Variants in PSG5 observed in about 807,000 individuals in gnomAD.
The protein encoded by PSG5 is pregnancy-specific beta-1-glycoprotein 5.
Under a neutral mutation model 37.7 loss-of-function variants are expected in PSG5, and 53 were observed. The ratio of observed to expected loss-of-function variants is 1.41; its 90% CI spans 1.13 to 1.77. PSG5 has a LOEUF of 1.77. Ranked by LOEUF, PSG5 falls within the 40% of genes most tolerant of loss-of-function variation. The probability of loss-of-function intolerance (pLI) is 0.00; values close to 1 mark genes in which losing one functional copy is unlikely to be tolerated. For missense variants in PSG5, 547 were observed against 405.2 expected (o/e 1.35, Z -3.00); for synonymous variants, 221 against 155.4 (o/e 1.42, Z -3.14).
At chr19:43,174,601 CG>C in intron 4 of PSG5, 3 of 970,744 alleles carry the variant, frequency 3.1e-6, no homozygotes, top group Non-Finnish European at 3.7e-6. Context: ...CAGCCTGGCC[CG>C]GGGGAGGCTT....
At position 43,177,566 on chromosome 19, in the gene PSG5, C is replaced by T. The variant is rs138028103; in HGVS notation, c.431-1418G>A. ...GGTGATTAGTTTTTGGTCAATTCCA[C>T]ACTGGCCATTCTGCACTCATATATT... On this transcript the variant is annotated intron_variant, in intron 2 of 5. Coordinates refer to ENST00000342951, the MANE Select transcript of PSG5 (RefSeq NM_002781.4). 3.4e-3 allele frequency among the ~76,000 whole-genome samples: 510 copies of T among 151,104 alleles called. 14 individuals carry two copies. The highest frequency in any genetic ancestry group is 0.012 in the African/African-American group (477 of 40,954).
intron 4 of PSG5, among the ~76,000 whole-genome samples, chr19:43,172,289 C>T (rs1397128755): frequency 2.0e-5 from 3 of 151,616 alleles, no homozygotes; most frequent in Admixed American, 6.6e-5. Flanking sequence ...GCATCATACT[C>T]AACGGAGAAA....
chr19:43,180,455 A>C (rs1028286762), intron 2 of PSG5: 1 of 151,600 alleles, frequency 6.6e-6, no homozygotes, highest in Non-Finnish European at 1.5e-5. Context: ...ACTTCTTTTT[A>C]ACATCACATC....
chr19:43,184,754 C>A lies in PSG5; in HGVS notation c.430+28G>T, dbSNP rs763133952. The A allele has an allele frequency of 5.6e-6, 9 of 1,611,358 alleles. No individual in the cohort carries two copies. The Middle Eastern group carries it at 4.9e-4, about 88-fold the overall frequency. On this transcript the variant is annotated intron_variant, in intron 2 of 5. Transcript: ENST00000342951. The stretch of plus-strand genomic sequence containing the variant: ...AGTAGAAATGACCCCTGTCCCCCAA[C>A]ACCCAGGGATCATGTGGAATCACTC...
chr19:43,172,387 T>A (rs1324353151), intron 4 of PSG5, among the ~76,000 whole-genome samples: 3 of 151,476 alleles, frequency 2.0e-5, no homozygotes, highest in Non-Finnish European at 4.4e-5. Context: ...AAAGGTCTAG[T>A]CAGAAAAATT....
chr19:43,184,990 G>T lies in PSG5; in HGVS notation c.222C>A (p.Asp74Glu). 6.2e-7 allele frequency: 1 copy of T among 1,612,544 alleles called. No individual in the cohort carries two copies. The change falls in exon 2 of 6, where the codon GAC (aspartate) becomes GAA (glutamate). Residue 74 changes from aspartate to glutamate, a missense_variant. Coordinates refer to ENST00000342951, the MANE Select transcript of PSG5 (RefSeq NM_002781.4). The stretch of plus-strand genomic sequence containing the variant: ...CATATGATGTAATGTAATGGTAGAG[G>T]TCCATCAGTTGTCCTTTGTACCAGA... ...GYIWYKGQLM[D>E]LYHYITSYVV...
chr19:43,185,037 G>A lies in PSG5; in HGVS notation c.175C>T (p.Pro59Ser), dbSNP rs747697320. The A allele has an allele frequency of 1.2e-6, 2 of 1,612,640 alleles. No individual in the cohort carries two copies. Among genetic ancestry groups the A allele is most frequent in the Non-Finnish European group, 1.7e-6 (2 of 1,179,200 alleles). The change falls in exon 2 of 6, where the codon CCT becomes TCT. Residue 59 changes from proline (P) to serine (S), a missense_variant. By Grantham distance (74) the Pro-to-Ser change is moderately conservative. Coordinates refer to ENST00000342951, the MANE Select transcript of PSG5 (RefSeq NM_002781.4). ...KDVLLLVHNLPQNLAGYIWYK... is the reference protein window; with the variant it reads ...KDVLLLVHNLSQNLAGYIWYK... ...CAGATGTAGCCAGCAAGATTCTGAGGCAAATTGTGGACAAGTAGAAGAACA... is the reference window on the plus strand; with the variant it reads ...CAGATGTAGCCAGCAAGATTCTGAGACAAATTGTGGACAAGTAGAAGAACA...
intron 2 of PSG5, among the ~76,000 whole-genome samples, chr19:43,184,184 ACT>A (rs1380647956): frequency 6.6e-6 from 1 of 151,256 alleles, no homozygotes; most frequent in Non-Finnish European, 1.5e-5. Flanking sequence ...TGTCCTCTCC[ACT>A]CTGAGTGTCA....
chr19:43,180,166 A>T (rs1320277355), intron 2 of PSG5, among the ~76,000 whole-genome samples: 2 of 151,550 alleles, frequency 1.3e-5, no homozygotes, highest in Non-Finnish European at 2.9e-5. Context: ...TCCAGAGTGA[A>T]TCAGAGAGTA....
At position 43,170,054 on chromosome 19, in the gene PSG5, C is replaced by G. The variant is rs749907076; in HGVS notation, c.*40+1G>C. ...CAGGATAAGAGAAAAGGCCATCATA[C>G]CTGCCAGTCTTCCTGAAATACAGAA... On this transcript the variant is annotated splice_donor_variant, in intron 5 of 5. Transcript: ENST00000342951. LOFTEE classifies it low-confidence loss of function (3UTR_SPLICE). The G allele has an allele frequency of 6.6e-7, 1 of 1,512,494 alleles. No individual in the cohort carries two copies. Among genetic ancestry groups the G allele is most frequent in the South Asian group, 1.1e-5 (1 of 89,562 alleles). 93.7% of individuals were successfully genotyped at this position (1,512,494 alleles called of 1,614,324 possible).
chr19:43,168,772 T>C lies in PSG5; in HGVS notation c.*41-569A>G, dbSNP rs192457857. ...AATGTTTTCTACACAATTTAATATA[T>C]CAAATAAGGTGGCTTTTCCATTCAG... is the stretch of plus-strand genomic sequence containing the variant. On this transcript the variant is annotated intron_variant, in intron 5 of 5. Transcript: ENST00000342951. 2.7e-3 allele frequency among the ~76,000 whole-genome samples: 417 copies of C among 151,762 alleles called. 8 individuals are homozygous for C. The highest frequency in any genetic ancestry group is 4.9e-3 in the Non-Finnish European group (335 of 67,920).
rs1969000149 is a variant in PSG5 at position 43,175,936 on chromosome 19, AG to A, written c.642del (p.Tyr215MetfsTer19). On this transcript the variant is annotated frameshift_variant, in exon 3 of 6. Transcript: ENST00000342951. LOFTEE classifies it high-confidence loss of function. The stretch of plus-strand genomic sequence containing the variant: ...TCTCGGTCCCGTATTTCACATTCAT[AG>A]GGTCCTGTTTCATTTCTCGTGACAC... Reference protein sequence around the residue: ...LPSVTRNETGPYECEIRDRDG... With the variant: ...LPSVTRNETGXYECEIRDRDG... 6.2e-7 allele frequency: 1 copy of A among 1,612,376 alleles called. No homozygotes were observed. The highest frequency in any genetic ancestry group is 1.7e-5 in the Admixed American group (1 of 59,866).
Position 43,184,998 on chromosome 19 carries a change from G to T in PSG5, c.214C>A (p.Leu72Met), listed in dbSNP as rs766785176. ...LAGYIWYKGQ[L>M]MDLYHYITSY... The stretch of plus-strand genomic sequence containing the variant: ...GTAATGTAATGGTAGAGGTCCATCA[G>T]TTGTCCTTTGTACCAGATGTAGCCA... Residue 72 changes from leucine to methionine, a missense_variant, in exon 2 of 6, where the codon CTG becomes ATG. Transcript: ENST00000342951. The T allele has an allele frequency of 1.1e-5, 18 of 1,612,474 alleles. 2 individuals are homozygous for T. Among genetic ancestry groups the T allele is most frequent in the Admixed American group, 3.3e-5 (2 of 59,880 alleles).
At position 43,180,135 on chromosome 19, in the gene PSG5, A is replaced by G. The variant is rs1477956237; in HGVS notation, c.431-3987T>C. 1.3e-5 allele frequency among the ~76,000 whole-genome samples: 2 copies of G among 151,580 alleles called. 1 individual carries two copies. Among genetic ancestry groups the G allele is most frequent in the African/African-American group, 4.9e-5 (2 of 41,062 alleles). ...CTCTGATTCTGAGTTTGACTACTCT[A>G]TGTACCTCATATCAGTGGATTCCAG... On this transcript the variant is annotated intron_variant, in intron 2 of 5. Coordinates refer to ENST00000342951, the MANE Select transcript of PSG5 (RefSeq NM_002781.4).
In PSG5 at chr19:43,175,423, A is replaced by T. The variant is rs1568371649; in HGVS notation, c.756T>A (p.Arg252=). Residue 252 remains arginine, a synonymous_variant, in exon 4 of 6, where the codon CGT becomes CGA. Transcript: ENST00000342951. ...PSIYPSFTYY[R]SGENLYLSCF... is the part of the protein sequence containing the mutation. ...AGGACAAGTAGAGGTTTTCTCCTGA[A>T]CGGTAATAGGTGAATGAAGGGTAAA... 6.2e-7 allele frequency: 1 copy of T among 1,612,704 alleles called. No individual in the cohort carries two copies. Among genetic ancestry groups the T allele is most frequent in the Admixed American group, 1.7e-5 (1 of 59,922 alleles).
chr19:43,180,395 T>C (rs1343113976), intron 2 of PSG5: 6 of 151,628 alleles, frequency 4.0e-5, no homozygotes, highest in Non-Finnish European at 7.4e-5. Context: ...CATGTACTGG[T>C]TTAGCATCCC....
At chr19:43,176,843 AGAGCTGGTGGCTTTG>A (rs1253929666) in intron 2 of PSG5, among the ~76,000 whole-genome samples, 23 of 150,908 alleles carry the variant, frequency 1.5e-4, no homozygotes, top group Non-Finnish European at 3.2e-4. Flanking sequence ...GGGACAGGCA[AGAGCTGGTGGCTTTG>A]GAGCAGAACC....
rs776252761 is a variant in PSG5 at position 43,184,992 on chromosome 19, C to G, written c.220G>C (p.Asp74His). Residue 74 changes from aspartate to histidine, a missense_variant, in exon 2 of 6, where the codon GAC (aspartate) becomes CAC (histidine). Physicochemically the swap from Asp to His is moderately conservative, Grantham distance 81. Transcript: ENST00000342951. ...TATGATGTAATGTAATGGTAGAGGTCCATCAGTTGTCCTTTGTACCAGATG... is the reference window on the plus strand; with the variant it reads ...TATGATGTAATGTAATGGTAGAGGTGCATCAGTTGTCCTTTGTACCAGATG... Reference protein sequence around the residue: ...GYIWYKGQLMDLYHYITSYVV... With the variant: ...GYIWYKGQLMHLYHYITSYVV... The G allele has an allele frequency of 2.5e-6, 4 of 1,612,426 alleles. No homozygotes were observed. The highest frequency in any genetic ancestry group is 2.7e-5 in the African/African-American group (2 of 74,556).
At chr19:43,172,109 TAGAC>T in intron 4 of PSG5, among the ~76,000 whole-genome samples, 1 of 151,002 alleles carries the variant, frequency 6.6e-6, no homozygotes, top group South Asian at 2.1e-4. Context: ...CTAGATGAAA[TAGAC>T]AAACTCCTAG....
Sources: gnomAD v4.1 joint callset for allele counts (sites outside exome capture counted in the v4.1 genomes callset) on GRCh38, gnomAD v4.1.1 for gene constraint, MANE v1.5 for transcripts, NCBI Gene and HGNC (gene_info 2026-07-23, HGNC 2026-07-21) for gene names.